ABHD2: variants seen among roughly 807,000 people sequenced by gnomAD.
The protein encoded by ABHD2 is abhydrolase domain containing 2, acylglycerol lipase, also known as monoacylglycerol lipase ABHD2.
In ABHD2, 20 loss-of-function variants were observed where a neutral mutation model predicts 48.1. That is an observed-to-expected ratio of 0.42 (90% CI 0.29 to 0.60). The LOEUF is 0.60. Among genes scored for constraint, ABHD2 ranks in the 20% least tolerant of loss-of-function variants. The pLI is 0.24. For missense variants in ABHD2, 405 were observed against 550.9 expected, an observed-to-expected ratio of 0.74 and a Z score of 2.65; for synonymous variants, 209 against 214.2, an observed-to-expected ratio of 0.98 and a Z score of 0.21.
chr15:89,151,221 GA>G lies in ABHD2; in HGVS notation c.195-455del, dbSNP rs2050585749. ...CTGAGAGTAGCAGGTTTGGCTAATG[GA>G]GTAACCACTACAGCTGTGGCCTGTC... is the stretch of plus-strand genomic sequence containing the variant. On this transcript the variant is annotated intron_variant, in intron 3 of 10. Transcript: ENST00000352732. This position sits in a 1 kb window ranked among gnomAD's most constrained non-coding sequence, Gnocchi z 4.7. 6.6e-6 allele frequency among the ~76,000 whole-genome samples: 1 copy of G among 152,222 alleles called. No homozygotes were observed. The highest frequency in any genetic ancestry group is 2.4e-5 in the African/African-American group (1 of 41,464).
Position 89,097,349 on chromosome 15 carries a change from T to A in ABHD2, c.-107+8786T>A, listed in dbSNP as rs2049629623. ...TTCTTAAATATAAAGACTCCTTTGT[T>A]AAACACCCATTATTACTCTTTGAAA... On this transcript the variant is annotated intron_variant, in intron 1 of 10. Coordinates refer to ENST00000352732, the MANE Select transcript of ABHD2 (RefSeq NM_152924.5). This position sits in a 1 kb window ranked among gnomAD's most constrained non-coding sequence, Gnocchi z 4.2. Among the ~76,000 whole-genome samples the A allele has an allele frequency of 6.6e-6, 1 of 152,264 alleles. No homozygotes were observed. Among genetic ancestry groups the A allele is most frequent in the South Asian group, 2.1e-4 (1 of 4,838 alleles).
chr15:89,080,082 G>A, the ABHD2 span, among the ~76,000 whole-genome samples: 5 of 152,166 alleles, frequency 3.3e-5, no homozygotes, highest in Admixed American at 6.5e-5. Flanking sequence ...CTTGCTCATG[G>A]GGCAGAGATT....
At chr15:89,046,065 C>T in the ABHD2 span, among the ~76,000 whole-genome samples, 56 of 152,214 alleles carry the variant, frequency 3.7e-4, 2 homozygotes, top group South Asian at 2.1e-3. Flanking sequence ...TTTTGAAATA[C>T]GTCCCATCAG....
rs1901464570 is a variant in ABHD2 at position 89,088,712 on chromosome 15, T to TG, written c.-107+154dup. Reference sequence around the variant, plus strand: ...CTGGGGGGCCTGTCATCTGGCGCCGTGGGGGTCCCAGGGGCTGGCTTGCCC... The same window carrying TG: ...CTGGGGGGCCTGTCATCTGGCGCCGTGGGGGGTCCCAGGGGCTGGCTTGCCC... On this transcript the variant is annotated intron_variant, in intron 1 of 10. Transcript: ENST00000352732. The surrounding 1 kb of genome is among the most constrained non-coding windows in gnomAD (Gnocchi z 6.8). The TG allele has an allele frequency of 3.9e-5, 6 of 152,456 alleles. No individual in the cohort carries two copies. In the South Asian group the frequency reaches 1.2e-3, roughly 32 times the overall value. The allele number at this position is 152,456 out of a possible 1,614,324, so 9.4% of individuals were successfully genotyped here. A position where few individuals can be genotyped will look rare whatever the true frequency, so the allele number is the denominator to read the frequency against.
chr15:89,135,990 A>G (rs1381782534), intron 3 of ABHD2: 24 of 307,992 alleles, frequency 7.8e-5, no homozygotes, highest in Non-Finnish European at 1.2e-4. Flanking sequence ...GCAATGGCGC[A>G]ATCTCAGCTC....
chr15:89,046,569 T>C, the ABHD2 span, among the ~76,000 whole-genome samples: 1 of 152,164 alleles, frequency 6.6e-6, no homozygotes, highest in Admixed American at 6.6e-5. Flanking sequence ...TTGCCACAAT[T>C]TCAGCTCCTG....
chr15:89,046,326 G>A, the ABHD2 span, among the ~76,000 whole-genome samples: 274 of 152,242 alleles, frequency 1.8e-3, no homozygotes, highest in East Asian at 5.0e-3. Flanking sequence ...TTTTTGCATC[G>A]ATGTTCATCA....
chr15:89,156,721 G>GAAA (rs77163184), intron 5 of ABHD2, among the ~76,000 whole-genome samples: 8 of 144,674 alleles, frequency 5.5e-5, no homozygotes, highest in African/African-American at 1.8e-4. Context: ...GACTCTGTCT[G>GAAA]AAAAAAAAAA....
Position 89,175,696 on chromosome 15 carries a change from T to G in ABHD2, c.539-116T>G. The G allele has an allele frequency of 9.3e-7, 1 of 1,078,788 alleles. No homozygotes were observed. The highest frequency in any genetic ancestry group is 1.4e-6 in the Non-Finnish European group (1 of 717,298). The allele number at this position is 1,078,788 out of a possible 1,614,324, so 66.8% of individuals were successfully genotyped here. A position where few individuals can be genotyped will look rare whatever the true frequency, so the allele number is the denominator to read the frequency against. On this transcript the variant is annotated intron_variant, in intron 5 of 10. Transcript: ENST00000352732. The surrounding 1 kb of genome is among the most constrained non-coding windows in gnomAD (Gnocchi z 5.7). ...CGACACACACACGTATATATACACA[T>G]ATATATTTCTCTCTCTTTTAGTATA...
chr15:89,086,855 G>T (rs1195787514), upstream of ABHD2, among the ~76,000 whole-genome samples: 1 of 152,210 alleles, frequency 6.6e-6, no homozygotes, highest in Non-Finnish European at 1.5e-5. Flanking sequence ...TCATCACTAA[G>T]AGACTTTGCT....
At chr15:89,193,118 C>G in intron 9 of ABHD2, 117 bp from the exon 10 acceptor site, 1 of 911,222 alleles carries the variant, frequency 1.1e-6, no homozygotes, top group Admixed American at 2.0e-5. Flanking sequence ...GCAAGCTGAG[C>G]TGTGACCCTC....
chr15:89,143,688 CA>C (rs10707555), intron 3 of ABHD2, among the ~76,000 whole-genome samples: 63,777 of 129,860 alleles, frequency 0.49, 14,622 homozygotes, highest in East Asian at 0.81. Flanking sequence ...CATCTCAAAA[CA>C]AAAAAAAAAA....
At chr15:89,124,763 C>A (rs941671278) in intron 3 of ABHD2, among the ~76,000 whole-genome samples, 4 of 152,056 alleles carry the variant, frequency 2.6e-5, no homozygotes, top group Non-Finnish European at 5.9e-5. Flanking sequence ...ACCATCCTGG[C>A]TAACATGGTG....
intron 1 of ABHD2, among the ~76,000 whole-genome samples, chr15:89,099,454 G>C (rs559696765): frequency 1.4e-4 from 21 of 152,038 alleles, no homozygotes; most frequent in African/African-American, 5.1e-4. Context: ...ACAACAACAA[G>C]AAATTTTAAT....
At chr15:89,048,620 CT>C in the ABHD2 span, among the ~76,000 whole-genome samples, 1 of 151,960 alleles carries the variant, frequency 6.6e-6, no homozygotes, top group South Asian at 2.1e-4. Flanking sequence ...TTTCTCTAAA[CT>C]TCCCTTCTCT....
chr15:89,116,964 C>G lies in ABHD2; in HGVS notation c.194+443C>G, dbSNP rs2049970500. Reference sequence around the variant, plus strand: ...TGTTGAAAAATGTACCAAGCATTAGCTAAGAGAATGCACTTAAAGAGAGTG... The same window carrying G: ...TGTTGAAAAATGTACCAAGCATTAGGTAAGAGAATGCACTTAAAGAGAGTG... On this transcript the variant is annotated intron_variant, in intron 3 of 10. Coordinates refer to ENST00000352732, the MANE Select transcript of ABHD2 (RefSeq NM_152924.5). This position sits in a 1 kb window ranked among gnomAD's most constrained non-coding sequence, Gnocchi z 4.6. Among the ~76,000 whole-genome samples the G allele has an allele frequency of 2.0e-5, 3 of 152,182 alleles. No homozygotes were observed.
At chr15:89,108,887 T>C (rs1271301855) in intron 1 of ABHD2, among the ~76,000 whole-genome samples, 9 of 152,264 alleles carry the variant, frequency 5.9e-5, no homozygotes, top group Non-Finnish European at 1.3e-4. Context: ...CTGTGCTCTT[T>C]AGCCGAGGAC....
At chr15:89,183,380 AAAAAATATATATATAT>A (rs1473986616) in intron 6 of ABHD2, 1,249 of 58,414 alleles carry the variant, frequency 0.021, 30 homozygotes, top group African/African-American at 0.1. Flanking sequence ...AAAAAAAAAA[AAAAAATATATATATAT>A]ATATATATAT....
chr15:89,163,007 C>T (rs1372303678), intron 5 of ABHD2, among the ~76,000 whole-genome samples: 1 of 152,210 alleles, frequency 6.6e-6, no homozygotes, highest in Non-Finnish European at 1.5e-5. Context: ...CATCCCAAAC[C>T]ATTGTGCCCT....
Sources: allele counts gnomAD v4.1 joint callset (sites outside exome capture counted in the v4.1 genomes callset), GRCh38; gene constraint gnomAD v4.1.1; non-coding constraint Gnocchi (gnomAD v3.1); transcripts MANE v1.5; gene names NCBI Gene and HGNC (gene_info 2026-07-23, HGNC 2026-07-21).